The following AR variants were observed in gnomAD, a reference collection of about 807,000 sequenced individuals.
AR encodes androgen receptor.
In AR, 8 loss-of-function variants were observed where a neutral mutation model predicts 53.9. The observed-to-expected ratio is 0.15, with a 90% CI of 0.09 to 0.27. The LOEUF is 0.27. Ranked by LOEUF, AR falls within the 10% of genes least tolerant of loss-of-function variation. The pLI is 1.00. For missense variants in AR, 639 were observed against 742.5 expected, an observed-to-expected ratio of 0.86 and a Z score of 1.62; for synonymous variants, 359 against 316.4, an observed-to-expected ratio of 1.13 and a Z score of -1.43.
chrX:67,556,426 A>G (rs1453775122), intron 1 of AR, among the ~76,000 whole-genome samples: 1 of 111,922 alleles, frequency 8.9e-6, no homozygotes, highest in Non-Finnish European at 1.9e-5. Flanking sequence ...TTACCCATCC[A>G]CCAGACTGAT....
intron 3 of AR, among the ~76,000 whole-genome samples, chrX:67,705,575 A>G (rs1413312271): frequency 2.7e-5 from 3 of 111,805 alleles, no homozygotes; most frequent in Admixed American, 9.5e-5. Flanking sequence ...TAGATATACA[A>G]TCATGTCATC....
At position 67,550,617 on chromosome X, in the gene AR, T is replaced by C. The variant is rs192599605; in HGVS notation, c.1616+3855T>C. On this transcript the variant is annotated intron_variant, in intron 1 of 7. Transcript: ENST00000374690. ...GGACTGGGTGTGGCAAAGCAAGGGC[T>C]TATTTTATAGCCAAACCTGAAATCA... Among the ~76,000 whole-genome samples, 587 of 107,599 alleles carry C rather than the reference T, an allele frequency of 5.5e-3. 6 individuals carry two copies. Among genetic ancestry groups the C allele is most frequent in the Middle Eastern group, 0.014 (3 of 209 alleles). 93.4% of individuals were successfully genotyped at this position (107,599 alleles called of 115,157 possible).
rs187689611 is a variant in AR, at chrX:67,650,150, A to T, written c.1768+6743A>T. On this transcript the variant is annotated intron_variant, in intron 2 of 7. Coordinates refer to ENST00000374690, the MANE Select transcript of AR (RefSeq NM_000044.6). The stretch of plus-strand genomic sequence containing the variant: ...CCATACTGCCCAAAGTAAATTATAG[A>T]TTCAATGCTATCCCCATTAAGCTAC... Among the ~76,000 whole-genome samples the T allele has an allele frequency of 5.2e-3, 580 of 111,986 alleles. 3 individuals are homozygous for T. Among genetic ancestry groups the T allele is most frequent in the Non-Finnish European group, 7.3e-3 (390 of 53,205 alleles).
At chrX:67,607,413 C>A (rs1043483393) in intron 1 of AR, among the ~76,000 whole-genome samples, 2 of 111,946 alleles carry the variant, frequency 1.8e-5, no homozygotes, top group Non-Finnish European at 3.8e-5. Flanking sequence ...AATTATGAAT[C>A]CATAGCCATC....
rs1283275092 is a variant in AR, at chrX:67,649,890, A to G, written c.1768+6483A>G. ...AAGCTCTTTAGTTTAATTAGATTTC[A>G]TTTGTCAATTTTGGCTTTTGTTGCC... On this transcript the variant is annotated intron_variant, in intron 2 of 7. Coordinates refer to ENST00000374690, the MANE Select transcript of AR (RefSeq NM_000044.6). Among the ~76,000 whole-genome samples the G allele has an allele frequency of 4.5e-5, 5 of 111,999 alleles. No homozygotes were observed. The South Asian group carries it at 1.9e-3, about 42-fold the overall frequency.
chrX:67,696,946 T>C (rs1410090270), intron 3 of AR, among the ~76,000 whole-genome samples: 2 of 112,185 alleles, frequency 1.8e-5, no homozygotes, highest in African/African-American at 3.2e-5. Context: ...GGGCATGACT[T>C]AACCTTTGCT....
intron 3 of AR, among the ~76,000 whole-genome samples, chrX:67,690,699 A>G (rs2075991125): frequency 8.9e-6 from 1 of 112,173 alleles, no homozygotes; most frequent in Non-Finnish European, 1.9e-5. Flanking sequence ...GCAGAACTGA[A>G]TAAGATACTA....
At chrX:67,672,038 T>C (rs992525299) in intron 2 of AR, among the ~76,000 whole-genome samples, 1 of 111,234 alleles carries the variant, frequency 9.0e-6, no homozygotes, top group African/African-American at 3.3e-5. Context: ...TGTCTTGCAC[T>C]GGTTTTCAAA....
At chrX:67,635,769 A>G (rs947950063) in intron 1 of AR, among the ~76,000 whole-genome samples, 10 of 111,313 alleles carry the variant, frequency 9.0e-5, no homozygotes, top group Non-Finnish European at 1.3e-4. Flanking sequence ...CTTCCGTTCT[A>G]TGGGGCACTG....
chrX:67,597,047 G>A (rs754676423), intron 1 of AR, among the ~76,000 whole-genome samples: 1 of 112,080 alleles, frequency 8.9e-6, no homozygotes, highest in African/African-American at 3.2e-5. Flanking sequence ...TGCTCAGTGT[G>A]GAAACTTGTT....
At chrX:67,701,305 A>C (rs1201977197) in intron 3 of AR, among the ~76,000 whole-genome samples, 1 of 111,537 alleles carries the variant, frequency 9.0e-6, no homozygotes, top group Non-Finnish European at 1.9e-5. Flanking sequence ...CAAGTCTAGA[A>C]GGATCTCAGA....
In AR at chrX:67,545,772, G is replaced by A. The variant is rs1929697655; in HGVS notation, c.626G>A (p.Gly209Glu). ...QEAVSEGSSSGRAREASGAPT... is the reference protein window; with the variant it reads ...QEAVSEGSSSERAREASGAPT... ...GCAGTATCCGAAGGCAGCAGCAGCGGGAGAGCGAGGGAGGCCTCGGGGGCT... is the reference window on the plus strand; with the variant it reads ...GCAGTATCCGAAGGCAGCAGCAGCGAGAGAGCGAGGGAGGCCTCGGGGGCT... The change falls in exon 1 of 8, where the codon GGG (glycine) becomes GAG (glutamate). Residue 209 changes from glycine to glutamate, a missense_variant. Around this residue, in one of 5 missense-constraint regions of AR, gnomAD observed 423 missense variants for 377.0 expected, o/e 1.12. Coordinates refer to ENST00000374690, the MANE Select transcript of AR (RefSeq NM_000044.6). 8.3e-7 allele frequency: 1 copy of A among 1,211,927 alleles called. No homozygotes were observed. The highest frequency in any genetic ancestry group is 1.1e-6 in the Non-Finnish European group (1 of 895,423).
intron 2 of AR, among the ~76,000 whole-genome samples, chrX:67,680,169 A>G (rs752004778): frequency 9.0e-6 from 1 of 111,468 alleles, no homozygotes; most frequent in South Asian, 3.8e-4. Flanking sequence ...TCCTTTCTTC[A>G]CTGAATTGGA....
At chrX:67,595,320 G>T (rs753982647) in intron 1 of AR, among the ~76,000 whole-genome samples, 1 of 108,421 alleles carries the variant, frequency 9.2e-6, no homozygotes, top group South Asian at 4.0e-4. Flanking sequence ...ATGAGCTTGA[G>T]AAAAAAATCA....
At position 67,686,077 on chromosome X, in the gene AR, T is replaced by C. The variant is rs1284935006; in HGVS notation, c.1836T>C (p.Cys612=). 4 of 1,209,734 alleles carry C rather than the reference T, an allele frequency of 3.3e-6. No individual in the cohort carries two copies. The Admixed American group carries it at 8.7e-5, about 26-fold the overall frequency. The change falls in exon 3 of 8, where the codon TGT becomes TGC. Residue 612 remains cysteine, a synonymous_variant. Transcript: ENST00000374690. ...CTIDKFRRKN[C]PSCRLRKCYE... is the part of the protein sequence containing the mutation. ...TTGATAAATTCCGAAGGAAAAATTG[T>C]CCATCTTGTCGTCTTCGGAAATGTT...
In AR at chrX:67,665,732, A is replaced by G. The variant is rs1299450430; in HGVS notation, c.1769-20278A>G. Among the ~76,000 whole-genome samples the G allele has an allele frequency of 2.7e-5, 3 of 111,746 alleles. No homozygotes were observed. The Admixed American group carries it at 2.8e-4, about 11-fold the overall frequency. On this transcript the variant is annotated intron_variant, in intron 2 of 7. Transcript: ENST00000374690. The stretch of plus-strand genomic sequence containing the variant: ...ACCCTTGTTGCTAGTAACATCAGTG[A>G]GTGACCTGACCCATTTTTGGAACAG...
At chrX:67,568,981 A>T (rs751848213) in intron 1 of AR, 1 of 1,210,606 alleles carries the variant, frequency 8.3e-7, no homozygotes, top group African/African-American at 1.7e-5. Flanking sequence ...AGTGCTCCTG[A>T]CATTGCCTGT....
intron 4 of AR, among the ~76,000 whole-genome samples, chrX:67,713,783 T>C (rs1415903082): frequency 1.8e-5 from 2 of 111,508 alleles, no homozygotes; most frequent in Admixed American, 9.5e-5. Context: ...ACCACCAAGA[T>C]GGAAAGCCCC....
intron 1 of AR, among the ~76,000 whole-genome samples, chrX:67,581,914 T>A (rs771449277): frequency 3.6e-5 from 4 of 111,688 alleles, no homozygotes; most frequent in African/African-American, 1.3e-4. Flanking sequence ...TCTCAGTTAC[T>A]GGAATGAGTG....
Sources: gnomAD v4.1 joint callset for allele counts (sites outside exome capture counted in the v4.1 genomes callset) on GRCh38, gnomAD v4.1.1 for gene constraint, gnomAD v4.1.1 regional missense constraint, MANE v1.5 for transcripts, NCBI Gene and HGNC (gene_info 2026-07-23, HGNC 2026-07-21) for gene names.